The following PTPRS variants were observed in gnomAD, a reference collection of about 807,000 sequenced individuals.
PTPRS encodes the protein receptor-type tyrosine-protein phosphatase S.
In PTPRS, 63 loss-of-function variants were observed where a neutral mutation model predicts 215.3. That is an observed-to-expected ratio of 0.29 (90% CI 0.24 to 0.36). The LOEUF is 0.36. PTPRS is among the 10% of genes least tolerant of loss of function. The pLI is 1.00. For missense variants in PTPRS, 2,258 were observed against 2,825.8 expected (o/e 0.80, Z 4.56); for synonymous variants, 1,404 against 1,191.4 (o/e 1.18, Z -3.68).
intron 13 of PTPRS, among the ~76,000 whole-genome samples, chr19:5,235,329 G>A (rs1266368563): frequency 6.6e-6 from 1 of 152,186 alleles, no homozygotes; most frequent in East Asian, 1.9e-4. Flanking sequence ...GGCACCGTGT[G>A]CCAGGCATTG....
chr19:5,283,637 C>T (rs1428102168), intron 2 of PTPRS, among the ~76,000 whole-genome samples: 4 of 152,128 alleles, frequency 2.6e-5, no homozygotes, highest in African/African-American at 7.2e-5. Flanking sequence ...CAGACATCCC[C>T]AATGCAGGTG....
At chr19:5,280,960 T>A (rs1599919808) in intron 2 of PTPRS, among the ~76,000 whole-genome samples, 1 of 151,520 alleles carries the variant, frequency 6.6e-6, no homozygotes, top group Admixed American at 6.6e-5. Context: ...CCCAGCTGAT[T>A]TTAGTATTTT....
chr19:5,228,323 C>T (rs572203658), intron 16 of PTPRS, among the ~76,000 whole-genome samples: 5 of 116,284 alleles, frequency 4.3e-5, no homozygotes, highest in South Asian at 6.5e-4. Flanking sequence ...CCAGCCCGGG[C>T]GATAGTGTGA....
intron 2 of PTPRS, among the ~76,000 whole-genome samples, chr19:5,283,262 C>A (rs961473995): frequency 2.0e-5 from 1 of 49,506 alleles, no homozygotes; most frequent in African/African-American, 7.0e-5. Flanking sequence ...GCCTGTAACC[C>A]CAGCACTTTC....
At chr19:5,221,638 G>C (rs1172387491) in intron 19 of PTPRS, among the ~76,000 whole-genome samples, 2 of 152,030 alleles carry the variant, frequency 1.3e-5, no homozygotes, top group Non-Finnish European at 1.5e-5. Context: ...TCTGAGACCT[G>C]ATCCTAGACT....
In PTPRS at chr19:5,234,760, C is replaced by G. The variant is rs372579158; in HGVS notation, c.1850-3145G>C. On this transcript the variant is annotated intron_variant, in intron 13 of 37. Transcript: ENST00000262963. ...TTAGGCCCCTACTGTGTGCCAGGCACTGTGTTAAAGGCTTCATCAGAAAAC... is the reference window on the plus strand; with the variant it reads ...TTAGGCCCCTACTGTGTGCCAGGCAGTGTGTTAAAGGCTTCATCAGAAAAC... Among the ~76,000 whole-genome samples, 4 of 151,700 alleles carry G rather than the reference C, an allele frequency of 2.6e-5. No individual in the cohort carries two copies. In the East Asian group the frequency reaches 7.8e-4, roughly 30 times the overall value.
rs182209046 is a variant in PTPRS, at chr19:5,225,505, G to A, written c.2494+222C>T. 9.6e-4 allele frequency among the ~76,000 whole-genome samples: 146 copies of A among 151,994 alleles called. 1 individual carries two copies. Among genetic ancestry groups the A allele is most frequent in the African/African-American group, 3.2e-3 (133 of 41,440 alleles). On this transcript the variant is annotated intron_variant, in intron 17 of 37. Coordinates refer to ENST00000262963, the MANE Select transcript of PTPRS (RefSeq NM_002850.4). Reference sequence around the variant, plus strand: ...TAACTGTTTCTGTCTGGTGGGAGCCGGGGGGACAGGAAGTGAGTGACAAAG... The same window carrying A: ...TAACTGTTTCTGTCTGGTGGGAGCCAGGGGGACAGGAAGTGAGTGACAAAG...
rs1477293906 is a variant in PTPRS, at chr19:5,229,585, T to A, written c.2255A>T (p.Gln752Leu). 7.0e-7 allele frequency: 1 copy of A among 1,436,304 alleles called. No homozygotes were observed. Among genetic ancestry groups the A allele is most frequent in the African/African-American group, 1.5e-5 (1 of 67,046 alleles). 89.0% of individuals were successfully genotyped at this position (1,436,304 alleles called of 1,614,324 possible). The change falls in exon 15 of 38, where the codon CAG becomes CTG. Residue 752 changes from glutamine (Q) to leucine (L), a missense_variant. Transcript: ENST00000262963. ...RSPAPGRQHG[Q>L]IRGYQVHYVR... ...GTAGTGGACCTGGTAGCCGCGGATC[T>A]GGCCGTGCTGCCGGCCGGGCGCGGG... is the stretch of plus-strand genomic sequence containing the variant.
In PTPRS at chr19:5,206,613, G is replaced by A; in HGVS notation, c.*161C>T. The stretch of plus-strand genomic sequence containing the variant: ...TGGGGCGGCCGGGGCCGGTGGGGGG[G>A]CTCGAGGGGCTGCGTCGTCCTCGGA... On this transcript the variant is annotated 3_prime_UTR_variant, in exon 38 of 38. Coordinates refer to ENST00000262963, the MANE Select transcript of PTPRS (RefSeq NM_002850.4). 3.4e-6 allele frequency: 2 copies of A among 596,292 alleles called. No individual in the cohort carries two copies. Among genetic ancestry groups the A allele is most frequent in the Non-Finnish European group, 5.8e-6 (2 of 344,684 alleles). The allele number at this position is 596,292 out of a possible 1,614,324, so 36.9% of individuals were successfully genotyped here. A position where few individuals can be genotyped will look rare whatever the true frequency, so the allele number is the denominator to read the frequency against.
chr19:5,213,620 G>A (rs1013122852), intron 30 of PTPRS, among the ~76,000 whole-genome samples: 1 of 152,046 alleles, frequency 6.6e-6, no homozygotes, highest in African/African-American at 2.4e-5. Context: ...TTGTGTCCAG[G>A]TTAGGGAGTG....
In PTPRS at chr19:5,306,839, G is replaced by C. The variant is rs549021856; in HGVS notation, c.-94-20605C>G. The stretch of plus-strand genomic sequence containing the variant: ...CTAATAGTCCCCGAGGAGACAATTG[G>C]CTATTATCTTCCGAAGTTAAGTTTA... On this transcript the variant is annotated intron_variant, in intron 1 of 37. Coordinates refer to ENST00000262963, the MANE Select transcript of PTPRS (RefSeq NM_002850.4). Among the ~76,000 whole-genome samples the C allele has an allele frequency of 7.9e-5, 12 of 152,298 alleles. No homozygotes were observed. The South Asian group carries it at 2.1e-3, about 26-fold the overall frequency.
rs1490828215 is a variant in PTPRS, at chr19:5,338,537, G to A, written c.-95+2127C>T. On this transcript the variant is annotated intron_variant, in intron 1 of 37. Coordinates refer to ENST00000262963, the MANE Select transcript of PTPRS (RefSeq NM_002850.4). This position sits in a 1 kb window ranked among gnomAD's most constrained non-coding sequence, Gnocchi z 4.2. Reference sequence around the variant, plus strand: ...GGGGGGGTAGGGGAGGGATGCCCAGGTGGGGACTCAGTCAGGCCCAAGCTG... The same window carrying A: ...GGGGGGGTAGGGGAGGGATGCCCAGATGGGGACTCAGTCAGGCCCAAGCTG... 6.6e-6 allele frequency among the ~76,000 whole-genome samples: 1 copy of A among 152,190 alleles called. No homozygotes were observed. Among genetic ancestry groups the A allele is most frequent in the Non-Finnish European group, 1.5e-5 (1 of 68,026 alleles).
intron 4 of PTPRS, among the ~76,000 whole-genome samples, chr19:5,270,307 T>C (rs1360707716): frequency 9.0e-5 from 8 of 88,546 alleles, no homozygotes; most frequent in African/African-American, 3.2e-4. Context: ...ACCCCCCTTT[T>C]AGAGACAGGG....
rs1007080411 is a variant in PTPRS, at chr19:5,220,074, T to C, written c.3630A>G (p.Ala1210=). Residue 1210 remains alanine, a synonymous_variant, in exon 22 of 38, where the codon GCA becomes GCG. Coordinates refer to ENST00000262963, the MANE Select transcript of PTPRS (RefSeq NM_002850.4). ...RQLEVPRPYI[A]ARFSVLPPTF... is the part of the protein sequence containing the mutation. ...TGGGTGGCAGCACAGAGAAGCGAGCTGCAATATAGGGCCGGGGCACCTCCA... is the reference window on the plus strand; with the variant it reads ...TGGGTGGCAGCACAGAGAAGCGAGCCGCAATATAGGGCCGGGGCACCTCCA... 3.1e-6 allele frequency: 5 copies of C among 1,613,810 alleles called. No homozygotes were observed. Among genetic ancestry groups the C allele is most frequent in the Non-Finnish European group, 4.2e-6 (5 of 1,180,026 alleles).
At chr19:5,320,469 C>T (rs7260062) in intron 1 of PTPRS, among the ~76,000 whole-genome samples, 2 of 152,066 alleles carry the variant, frequency 1.3e-5, no homozygotes, top group Admixed American at 6.5e-5. Context: ...TCGCTCTGTC[C>T]CCCAGGCTGG....
intron 4 of PTPRS, among the ~76,000 whole-genome samples, chr19:5,270,529 C>A (rs1208146456): frequency 6.6e-6 from 1 of 152,202 alleles, no homozygotes; most frequent in Admixed American, 6.5e-5. Flanking sequence ...AGACTAGTCT[C>A]AAACTCCTGG....
In PTPRS at chr19:5,257,594, A is replaced by C. The variant is rs2045663799; in HGVS notation, c.706+423T>G. 6.6e-6 allele frequency among the ~76,000 whole-genome samples: 1 copy of C among 152,118 alleles called. No homozygotes were observed. Among genetic ancestry groups the C allele is most frequent in the Non-Finnish European group, 1.5e-5 (1 of 68,004 alleles). ...ACGAGGCCACAAAGTTGGGAGAAGC[A>C]AAGCCAGCACACAGCACGGGAAGGC... On this transcript the variant is annotated intron_variant, in intron 8 of 37. Coordinates refer to ENST00000262963, the MANE Select transcript of PTPRS (RefSeq NM_002850.4). The surrounding 1 kb of genome is among the most constrained non-coding windows in gnomAD (Gnocchi z 4.4).
Position 5,237,774 on chromosome 19 carries a change from C to T in PTPRS, c.1849+1145G>A, listed in dbSNP as rs928145286. Among the ~76,000 whole-genome samples the T allele has an allele frequency of 1.3e-5, 2 of 152,082 alleles. No homozygotes were observed. The highest frequency in any genetic ancestry group is 2.4e-5 in the African/African-American group (1 of 41,416). On this transcript the variant is annotated intron_variant, in intron 13 of 37. Coordinates refer to ENST00000262963, the MANE Select transcript of PTPRS (RefSeq NM_002850.4). This position sits in a 1 kb window ranked among gnomAD's most constrained non-coding sequence, Gnocchi z 4.2. ...TCACTGACTCCACCTCACACAGACG[C>T]GCCCAGACGCCTTGGAGCCGCCAGG...
intron 1 of PTPRS, among the ~76,000 whole-genome samples, chr19:5,319,413 C>CTT (rs78544674): frequency 5.8e-4 from 78 of 135,302 alleles, no homozygotes; most frequent in South Asian, 2.7e-3. Flanking sequence ...CAGACCTTGT[C>CTT]TTTTTTTTTT....
Sources: allele counts gnomAD v4.1 joint callset (sites outside exome capture counted in the v4.1 genomes callset), GRCh38; gene constraint gnomAD v4.1.1; non-coding constraint Gnocchi (gnomAD v3.1); transcripts MANE v1.5; gene names NCBI Gene and HGNC (gene_info 2026-07-23, HGNC 2026-07-21).